BDP1: variants seen among roughly 807,000 people sequenced by gnomAD.
The protein encoded by BDP1 is transcription factor TFIIIB component B'' homolog.
BDP1 carries 169 observed loss-of-function variants against 266.6 expected under a neutral mutation model. The observed-to-expected ratio is 0.63, with a 90% CI of 0.56 to 0.72. The LOEUF is 0.72. Among genes scored for constraint, BDP1 ranks in the 30% least tolerant of loss-of-function variants. BDP1 has a pLI of 0.00. For synonymous variants in BDP1, 1,090 were observed against 1,022.4 expected (o/e 1.07, Z -1.26); for missense variants, 3,015 against 3,053.8 (o/e 0.99, Z 0.30).
At chr5:71,523,068 C>A in intron 24 of BDP1, 119 bp downstream of exon 24, 1 of 688,708 alleles carries the variant, frequency 1.5e-6, no homozygotes, top group Non-Finnish European at 2.4e-6. Context: ...TGGGTAGAAA[C>A]TTGACCAAAG....
At position 71,548,714 on chromosome 5, in the gene BDP1, A is replaced by T. The variant is rs1191918031; in HGVS notation, c.6777A>T (p.Gln2259His). The T allele has an allele frequency of 9.3e-6, 15 of 1,608,026 alleles. No homozygotes were observed. In the South Asian group the frequency reaches 1.3e-4, roughly 14 times the overall value. Residue 2259 changes from glutamine (Q) to histidine (H), a missense_variant, in exon 33 of 39, where the codon CAA (glutamine) becomes CAT (histidine). This residue lies in a region of BDP1 where 629 missense variants were observed against 632.5 expected (regional missense o/e 0.99). Coordinates refer to ENST00000358731, the MANE Select transcript of BDP1 (RefSeq NM_018429.3). ...YTPTSIPEVQ[Q>H]ENIINPQDLT... ...CAACAAGTATTCCAGAAGTCCAACA[A>T]GAGAATATAATCAATCCTCAAGACC... is the stretch of plus-strand genomic sequence containing the variant.
chr5:71,547,770 A>G (rs1742442000), intron 32 of BDP1, among the ~76,000 whole-genome samples: 2 of 152,076 alleles, frequency 1.3e-5, no homozygotes, highest in Admixed American at 1.3e-4. Context: ...CAACATGGTG[A>G]AACTCTGTCT....
chr5:71,555,700 A>C (rs535201415), intron 35 of BDP1, among the ~76,000 whole-genome samples: 2 of 152,228 alleles, frequency 1.3e-5, no homozygotes, highest in South Asian at 4.1e-4. Flanking sequence ...CGGCCTTGCA[A>C]AGTGATGGGA....
rs200083297 is a variant in BDP1 at position 71,549,448 on chromosome 5, T to C, written c.6837T>C (p.Asp2279=). 1.8e-5 allele frequency: 29 copies of C among 1,613,710 alleles called. No homozygotes were observed. The African/African-American group carries it at 2.5e-4, about 14-fold the overall frequency. The change falls in exon 34 of 39, where the codon GAT becomes GAC. Residue 2279 remains aspartate (D), a synonymous_variant. Transcript: ENST00000358731. ...TVNLVANVPQ[D]GEDEQAFILT... ...ATCTAGTTGCTAATGTACCTCAAGA[T>C]GGAGAAGATGAACAAGCCTTTATTT...
At chr5:71,479,639 C>T (rs535548251) in intron 7 of BDP1, among the ~76,000 whole-genome samples, 42 of 151,930 alleles carry the variant, frequency 2.8e-4, no homozygotes, top group Non-Finnish European at 2.8e-4. Context: ...CTCCGCCTCC[C>T]GGGTTCACGC....
chr5:71,489,786 C>A, intron 10 of BDP1, 104 bp downstream of exon 10: 1 of 937,548 alleles, frequency 1.1e-6, no homozygotes, highest in East Asian at 2.5e-5. Context: ...ATTAATGATG[C>A]TTATTAATTG....
chr5:71,516,412 G>T, intron 21 of BDP1, 141 bp downstream of exon 21: 25 of 597,102 alleles, frequency 4.2e-5, no homozygotes, highest in Admixed American at 7.2e-5. Context: ...TTTCAGATTT[G>T]CTCTTCTGGA....
At chr5:71,521,660 A>C (rs772829763) in intron 22 of BDP1, among the ~76,000 whole-genome samples, 2 of 152,280 alleles carry the variant, frequency 1.3e-5, no homozygotes, top group South Asian at 2.1e-4. Flanking sequence ...GGAAACCATT[A>C]GATAGCTATT....
the BDP1 span, among the ~76,000 whole-genome samples, chr5:71,572,837 C>T: frequency 1.3e-5 from 2 of 152,164 alleles, no homozygotes; most frequent in African/African-American, 4.8e-5. Flanking sequence ...TTAATTTGTA[C>T]TGTACTTCTA....
chr5:71,510,336 G>C lies in BDP1; in HGVS notation c.3244G>C (p.Asp1082His). The change falls in exon 17 of 39, where the codon GAT becomes CAT. Residue 1082 changes from aspartate (D) to histidine (H), a missense_variant. By Grantham distance (81) the Asp-to-His change is moderately conservative. This residue lies in a region of BDP1 where 2,383 missense variants were observed against 2,404.9 expected (regional missense o/e 0.99). Coordinates refer to ENST00000358731, the MANE Select transcript of BDP1 (RefSeq NM_018429.3). Reference sequence around the variant, plus strand: ...AAGGGGGAAGACACCAGAGGTGATTGATGCCATTGAGGAAATAGAGATAGA... The same window carrying C: ...AAGGGGGAAGACACCAGAGGTGATTCATGCCATTGAGGAAATAGAGATAGA... ...FPRGKTPEVI[D>H]AIEEIEIDLE... is the part of the protein sequence containing the mutation. The C allele has an allele frequency of 1.9e-6, 3 of 1,614,004 alleles. No individual in the cohort carries two copies. Among genetic ancestry groups the C allele is most frequent in the South Asian group, 2.2e-5 (2 of 91,052 alleles).
intron 32 of BDP1, among the ~76,000 whole-genome samples, chr5:71,546,683 T>C (rs1043129191): frequency 8.4e-5 from 11 of 130,848 alleles, no homozygotes; most frequent in African/African-American, 3.2e-4. Context: ...GTTGAGTCCA[T>C]AAATACCTCA....
At chr5:71,518,352 T>C (rs1362248718) in intron 22 of BDP1, among the ~76,000 whole-genome samples, 1 of 152,228 alleles carries the variant, frequency 6.6e-6, no homozygotes, top group Non-Finnish European at 1.5e-5. Flanking sequence ...GGAGATGTTA[T>C]TGTATCCTTT....
At chr5:71,505,715 C>T (rs1764541018) in intron 16 of BDP1, among the ~76,000 whole-genome samples, 1 of 152,110 alleles carries the variant, frequency 6.6e-6, no homozygotes, top group Non-Finnish European at 1.5e-5. Context: ...TTAAATAGTA[C>T]CTAGCTGGGC....
Position 71,562,361 on chromosome 5 carries a change from G to T in BDP1, c.7584G>T (p.Lys2528Asn). Residue 2528 changes from lysine to asparagine, a missense_variant, in exon 38 of 39, where the codon AAG becomes AAT. Transcript: ENST00000358731. ...ESDEPMQVHS[K>N]KRLKPLIPGL... Reference sequence around the variant, plus strand: ...ATGAACCTATGCAAGTCCATAGTAAGAAACGCCTAAAACCTCTTATACCTG... The same window carrying T: ...ATGAACCTATGCAAGTCCATAGTAATAAACGCCTAAAACCTCTTATACCTG... 1 of 1,613,770 alleles carries T rather than the reference G, an allele frequency of 6.2e-7. No homozygotes were observed. Among genetic ancestry groups the T allele is most frequent in the South Asian group, 1.1e-5 (1 of 91,066 alleles).
At chr5:71,530,863 A>G (rs1339806282) in intron 25 of BDP1, among the ~76,000 whole-genome samples, 1 of 152,172 alleles carries the variant, frequency 6.6e-6, no homozygotes, top group Non-Finnish European at 1.5e-5. Flanking sequence ...AGATCGCTTG[A>G]GTGCAGGAGT....
Position 71,455,714 on chromosome 5 carries a change from G to C in BDP1, c.-164G>C, listed in dbSNP as rs532551839. On this transcript the variant is annotated 5_prime_UTR_variant, in exon 1 of 39. Transcript: ENST00000358731. ...GAAAAAGCGGCGGCGGCGGGAGAGA[G>C]GAGGAGGCGGCGGCGGGGCAGTGAA... 1.6e-6 allele frequency: 1 copy of C among 629,768 alleles called. No homozygotes were observed. Among genetic ancestry groups the C allele is most frequent in the African/African-American group, 1.8e-5 (1 of 54,380 alleles). 39.0% of individuals were successfully genotyped at this position (629,768 alleles called of 1,614,324 possible).
At chr5:71,513,455 TTTAA>T (rs1275465419) in intron 19 of BDP1, 48 bp downstream of exon 19, 2 of 1,190,798 alleles carry the variant, frequency 1.7e-6, no homozygotes, top group African/African-American at 3.1e-5. Context: ...TTTTTTTTTT[TTTAA>T]GTTATTAGGA....
chr5:71,571,871 C>T (rs191154339), downstream of BDP1, among the ~76,000 whole-genome samples: 2 of 152,266 alleles, frequency 1.3e-5, no homozygotes, highest in African/African-American at 4.8e-5. Flanking sequence ...GTCCACCTGC[C>T]TCACCCTCCC....
intron 36 of BDP1, 43 bp from the exon 37 acceptor site, chr5:71,559,939 T>A (rs1395902897): frequency 6.3e-7 from 1 of 1,599,318 alleles, no homozygotes. Context: ...TGGAGTGTAT[T>A]AACTTCAGTA....
Sources: allele counts gnomAD v4.1 joint callset (sites outside exome capture counted in the v4.1 genomes callset), GRCh38; gene constraint gnomAD v4.1.1; regional missense constraint gnomAD v4.1.1; transcripts MANE v1.5; gene names NCBI Gene and HGNC (gene_info 2026-07-23, HGNC 2026-07-21).